The following CEP85L variants were observed in gnomAD, a reference collection of about 807,000 sequenced individuals.
CEP85L encodes centrosomal protein 85L, also known as centrosomal protein of 85 kDa-like.
In CEP85L, 60 loss-of-function variants were observed where a neutral mutation model predicts 100.3. That is an observed-to-expected ratio of 0.60 (90% CI 0.49 to 0.74). The LOEUF (loss-of-function observed/expected upper bound fraction) is 0.74, where lower values mean the gene tolerates loss of function less well. Among genes scored for constraint, CEP85L ranks in the 30% least tolerant of loss-of-function variants. The pLI is 0.00. For missense variants in CEP85L, 973 were observed against 936.2 expected, an observed-to-expected ratio of 1.04 and a Z score of -0.51; for synonymous variants, 319 against 322.7, an observed-to-expected ratio of 0.99 and a Z score of 0.12.
chr6:118,501,992 G>T, intron 5 of CEP85L: 1 of 826,990 alleles, frequency 1.2e-6, no homozygotes, highest in Admixed American at 2.0e-5. Context: ...CTGACCAGGT[G>T]GCTTGTTAAC....
chr6:118,551,525 C>G (rs1181165278), intron 3 of CEP85L, among the ~76,000 whole-genome samples: 1 of 151,708 alleles, frequency 6.6e-6, no homozygotes, highest in Non-Finnish European at 1.5e-5. Context: ...AGCATTGTTT[C>G]AATATTTAAA....
At chr6:118,565,349 T>G (rs2114995068) in intron 3 of CEP85L, 180 bp downstream of exon 3, 1 of 627,596 alleles carries the variant, frequency 1.6e-6, no homozygotes, top group East Asian at 2.8e-5. Context: ...TTAATTAGTC[T>G]CAAATGCTTT....
In CEP85L at chr6:118,632,562, C is replaced by T; in HGVS notation, c.123G>A (p.Gln41=). The change falls in exon 2 of 13, where the codon CAG becomes CAA. Residue 41 remains glutamine (Q), a synonymous_variant. Coordinates refer to ENST00000368491, the MANE Select transcript of CEP85L (RefSeq NM_001042475.3). ...AWLPANESLW[Q]ATTVPSNHRN... is the part of the protein sequence containing the mutation. ...GATGGTTAGATGGAACAGTTGTGGCCTGCCACAATGATTCATTAGCAGGTA... is the reference window on the plus strand; with the variant it reads ...GATGGTTAGATGGAACAGTTGTGGCTTGCCACAATGATTCATTAGCAGGTA... 1 of 1,612,884 alleles carries T rather than the reference C, an allele frequency of 6.2e-7. No individual in the cohort carries two copies. The highest frequency in any genetic ancestry group is 8.5e-7 in the Non-Finnish European group (1 of 1,179,508).
intron 2 of CEP85L, among the ~76,000 whole-genome samples, chr6:118,614,687 T>TA (rs1322047996): frequency 6.6e-6 from 1 of 151,780 alleles, no homozygotes; most frequent in Non-Finnish European, 1.5e-5. Flanking sequence ...CTATTGAAAA[T>TA]AAAAAAATTA....
At chr6:118,681,807 T>G (rs1380641228) in intron 1 of CEP85L, among the ~76,000 whole-genome samples, 2 of 149,412 alleles carry the variant, frequency 1.3e-5, no homozygotes, top group Admixed American at 6.7e-5. Flanking sequence ...TGGAGTGCAG[T>G]GGCACAATCT....
intron 2 of CEP85L, among the ~76,000 whole-genome samples, chr6:118,610,608 C>T (rs1772542004): frequency 6.6e-6 from 1 of 152,086 alleles, no homozygotes; most frequent in Non-Finnish European, 1.5e-5. Flanking sequence ...CAGGTATCAG[C>T]AAAGGCCTCA....
At chr6:118,571,312 C>A (rs573578729) in intron 2 of CEP85L, among the ~76,000 whole-genome samples, 1 of 152,240 alleles carries the variant, frequency 6.6e-6, no homozygotes, top group East Asian at 1.9e-4. Context: ...ATATCTGAAA[C>A]CAACAGAGGG....
At chr6:118,480,296 A>G in intron 9 of CEP85L, 100 bp downstream of exon 9, 1 of 617,024 alleles carries the variant, frequency 1.6e-6, no homozygotes, top group Non-Finnish European at 2.7e-6. Context: ...TTAAATATTA[A>G]CAAAATATAA....
chr6:118,492,284 TCA>T (rs1295267294), intron 5 of CEP85L, among the ~76,000 whole-genome samples: 1 of 152,094 alleles, frequency 6.6e-6, no homozygotes, highest in Non-Finnish European at 1.5e-5. Flanking sequence ...AAAAATTTCT[TCA>T]CAGTTAATCA....
At chr6:118,553,465 C>A (rs186409692) in intron 3 of CEP85L, among the ~76,000 whole-genome samples, 55 of 152,140 alleles carry the variant, frequency 3.6e-4, no homozygotes, top group Non-Finnish European at 7.1e-4. Flanking sequence ...ACTAGGATTC[C>A]ACACATTTCA....
chr6:118,567,245 GTGTGTATATATATATATA>G (rs1247856261), intron 2 of CEP85L, among the ~76,000 whole-genome samples: 4 of 31,642 alleles, frequency 1.3e-4, no homozygotes, highest in South Asian at 7.9e-4. Flanking sequence ...GTGTGTGTGT[GTGTGTATATATATATATA>G]TATATATATA....
chr6:118,691,389 C>G (rs1047510095), intron 1 of CEP85L, among the ~76,000 whole-genome samples: 3 of 151,992 alleles, frequency 2.0e-5, no homozygotes, highest in African/African-American at 7.3e-5. Flanking sequence ...CAAAATTAGC[C>G]AGATGTGGCG....
chr6:118,613,782 C>A (rs1256574239), intron 2 of CEP85L, among the ~76,000 whole-genome samples: 1 of 122,498 alleles, frequency 8.2e-6, no homozygotes, highest in Non-Finnish European at 1.7e-5. Flanking sequence ...AATTCTGGGC[C>A]CAGAGTGTTT....
intron 4 of CEP85L, among the ~76,000 whole-genome samples, chr6:118,516,009 C>A (rs1289716178): frequency 6.6e-6 from 1 of 152,252 alleles, no homozygotes; most frequent in Non-Finnish European, 1.5e-5. Context: ...GTCTGGTTTT[C>A]TGTTCCTGTG....
intron 1 of CEP85L, among the ~76,000 whole-genome samples, chr6:118,639,106 A>G (rs1338229458): frequency 6.6e-6 from 1 of 152,224 alleles, no homozygotes. Context: ...ACCCATTAGT[A>G]TGTTTTAAAA....
At chr6:118,662,299 G>GT (rs1319302000) in intron 1 of CEP85L, among the ~76,000 whole-genome samples, 1 of 152,098 alleles carries the variant, frequency 6.6e-6, no homozygotes, top group African/African-American at 2.4e-5. Context: ...GGAGGCCAAG[G>GT]TGGGCAGATC....
At chr6:118,614,272 T>C (rs1279908216) in intron 2 of CEP85L, among the ~76,000 whole-genome samples, 1 of 152,218 alleles carries the variant, frequency 6.6e-6, no homozygotes, top group African/African-American at 2.4e-5. Context: ...GCTATACTAC[T>C]GCTACTTAAT....
chr6:118,529,808 T>C (rs1172287306), intron 3 of CEP85L, among the ~76,000 whole-genome samples: 1 of 152,042 alleles, frequency 6.6e-6, no homozygotes, highest in African/African-American at 2.4e-5. Context: ...TAATATATGA[T>C]TGTGGAAAAG....
intron 3 of CEP85L, among the ~76,000 whole-genome samples, chr6:118,560,999 T>C (rs1019999482): frequency 4.6e-5 from 7 of 152,202 alleles, no homozygotes; most frequent in Non-Finnish European, 8.8e-5. Context: ...TAAAAGAATA[T>C]GTAACATCAA....
Sources: allele counts gnomAD v4.1 joint callset (sites outside exome capture counted in the v4.1 genomes callset), GRCh38; gene constraint gnomAD v4.1.1; transcripts MANE v1.5; gene names NCBI Gene and HGNC (gene_info 2026-07-23, HGNC 2026-07-21).